TIGIT: variants seen among roughly 807,000 people sequenced by gnomAD.
The protein encoded by TIGIT is T-cell immunoreceptor with Ig and ITIM domains.
Under a neutral mutation model 19.6 loss-of-function variants are expected in TIGIT, and 11 were observed. That is an observed-to-expected ratio of 0.56 (90% CI 0.35 to 0.93). The LOEUF (loss-of-function observed/expected upper bound fraction) is 0.93, where lower values mean the gene tolerates loss of function less well. Ranked by LOEUF, TIGIT falls within the 40% of genes least tolerant of loss-of-function variation. TIGIT has a pLI of 0.01. For missense variants in TIGIT, 295 were observed against 303.9 expected (o/e 0.97, Z 0.22); for synonymous variants, 130 against 125.5 (o/e 1.04, Z -0.24).
At chr3:114,303,663 A>G (rs1337822517) in intron 3 of TIGIT, among the ~76,000 whole-genome samples, 1 of 149,168 alleles carries the variant, frequency 6.7e-6, no homozygotes, top group Non-Finnish European at 1.5e-5. Flanking sequence ...ACACAGACAC[A>G]TTACAATTTC....
At chr3:114,307,495 AGGT>A (rs2078543319) in intron 3 of TIGIT, 1 of 193,084 alleles carries the variant, frequency 5.2e-6, no homozygotes, top group Non-Finnish European at 1.1e-5. Flanking sequence ...CTGAAGACGA[AGGT>A]GGGGGTTCAA....
intron 3 of TIGIT, among the ~76,000 whole-genome samples, chr3:114,305,304 T>C (rs2107954744): frequency 6.6e-6 from 1 of 152,284 alleles, no homozygotes; most frequent in African/African-American, 2.4e-5. Context: ...AGGTGAATGA[T>C]CCCATTCCAC....
Position 114,295,837 on chromosome 3 carries a change from C to A in TIGIT, c.354C>A (p.Tyr118Ter). 1 of 1,608,916 alleles carries A rather than the reference C, an allele frequency of 6.2e-7. No individual in the cohort carries two copies. Among genetic ancestry groups the A allele is most frequent in the African/African-American group, 1.3e-5 (1 of 74,962 alleles). The stretch of plus-strand genomic sequence containing the variant: ...ATCACACCTACCCTGATGGGACGTA[C>A]ACTGGGAGAATCTTCCTGGAGGTCC... ...CIYHTYPDGT[Y>*]TGRIFLEVLE... is the part of the protein sequence containing the mutation. Residue 118 changes from tyrosine (Y) to a stop codon, truncating the protein, a stop_gained, in exon 2 of 4, where the codon TAC becomes TAA. Transcript: ENST00000383671. LOFTEE classifies it high-confidence loss of function.
intron 3 of TIGIT, among the ~76,000 whole-genome samples, chr3:114,302,596 A>G (rs1576140508): frequency 6.6e-6 from 1 of 152,052 alleles, no homozygotes. Context: ...AAGTGCTGCT[A>G]TCTGTTCTGT....
Position 114,299,669 on chromosome 3 carries a change from C to T in TIGIT, c.464C>T (p.Thr155Ile), listed in dbSNP as rs1218334207. 3 of 1,613,088 alleles carry T rather than the reference C, an allele frequency of 1.9e-6. No individual in the cohort carries two copies. The highest frequency in any genetic ancestry group is 2.2e-5 in the East Asian group (1 of 44,874). ...GCCGCGACGCTGGTGGTCATCTGCA[C>T]AGCAGTCATCGTGGTGGTCGCGTTG... is the stretch of plus-strand genomic sequence containing the variant. ...AMAATLVVIC[T>I]AVIVVVALTR... The change falls in exon 3 of 4, where the codon ACA becomes ATA. Residue 155 changes from threonine to isoleucine, a missense_variant. By Grantham distance (89) the Thr-to-Ile change is moderately conservative. Coordinates refer to ENST00000383671, the MANE Select transcript of TIGIT (RefSeq NM_173799.4).
intron 1 of TIGIT, 138 bp downstream of exon 1, chr3:114,294,260 C>A: frequency 3.1e-6 from 2 of 641,090 alleles, no homozygotes; most frequent in Non-Finnish European, 5.5e-6. Context: ...CTTTTAGAGT[C>A]CTGTGTACTC....
Position 114,299,607 on chromosome 3 carries a change from C to A in TIGIT, c.402C>A (p.His134Gln), listed in dbSNP as rs778828718. Residue 134 changes from histidine to glutamine, a missense_variant, in exon 3 of 4, where the codon CAC (histidine) becomes CAA (glutamine). By Grantham distance (24) the His-to-Gln change is conservative (BLOSUM62 0). Coordinates refer to ENST00000383671, the MANE Select transcript of TIGIT (RefSeq NM_173799.4). ...TTGTCCTCCCTCTAGTGGCTGAGCA[C>A]GGTGCCAGGTTCCAGATTCCATTGC... ...LEVLESSVAE[H>Q]GARFQIPLLG... 1 of 1,612,882 alleles carries A rather than the reference C, an allele frequency of 6.2e-7. No homozygotes were observed. The highest frequency in any genetic ancestry group is 8.5e-7 in the Non-Finnish European group (1 of 1,179,476).
intron 3 of TIGIT, among the ~76,000 whole-genome samples, chr3:114,306,655 G>A (rs990786734): frequency 1.3e-5 from 2 of 152,172 alleles, no homozygotes; most frequent in Non-Finnish European, 2.9e-5. Flanking sequence ...AAGGCACTTA[G>A]CATTTTTCCT....
intron 3 of TIGIT, among the ~76,000 whole-genome samples, chr3:114,301,251 A>C (rs1379309305): frequency 6.6e-6 from 1 of 152,180 alleles, no homozygotes; most frequent in East Asian, 1.9e-4. Context: ...TCCACCTGAG[A>C]TCCTAACCCA....
chr3:114,306,764 A>G (rs1404987994), intron 3 of TIGIT, among the ~76,000 whole-genome samples: 1 of 118,132 alleles, frequency 8.5e-6, no homozygotes, highest in Non-Finnish European at 1.8e-5. Context: ...CTTATGAGGA[A>G]TGTAGTGAAA....
chr3:114,297,942 T>A (rs767796291), intron 2 of TIGIT, among the ~76,000 whole-genome samples: 20 of 152,242 alleles, frequency 1.3e-4, no homozygotes, highest in Non-Finnish European at 2.5e-4. Context: ...CAGTTGCTTA[T>A]GTGGAATGCA....
intron 2 of TIGIT, among the ~76,000 whole-genome samples, chr3:114,298,773 A>T (rs2078471048): frequency 6.6e-6 from 1 of 152,176 alleles, no homozygotes; most frequent in Admixed American, 6.6e-5. Context: ...GAGGGATGAG[A>T]TGTGAGGCTT....
chr3:114,299,701 A>C lies in TIGIT; in HGVS notation c.496A>C (p.Lys166Gln). The C allele has an allele frequency of 6.2e-7, 1 of 1,606,590 alleles. No individual in the cohort carries two copies. Among genetic ancestry groups the C allele is most frequent in the Admixed American group, 1.7e-5 (1 of 60,010 alleles). ...AVIVVVALTR[K>Q]KKALRIHSVE... The stretch of plus-strand genomic sequence containing the variant: ...CATCGTGGTGGTCGCGTTGACTAGA[A>C]AGGTAATGGCTCCGGCTGCACACCG... Residue 166 changes from lysine to glutamine, a missense_variant and splice_region_variant, in exon 3 of 4, where the codon AAG becomes CAG. Transcript: ENST00000383671.
rs2078550805 is a variant in TIGIT, at chr3:114,308,511, G to C, written c.*380G>C. On this transcript the variant is annotated 3_prime_UTR_variant, in exon 4 of 4. Coordinates refer to ENST00000383671, the MANE Select transcript of TIGIT (RefSeq NM_173799.4). ...TGATGATGAGGATGGCATGACTGCA[G>C]AGCCATCCTCATCTCATTTTTTCAC... is the stretch of plus-strand genomic sequence containing the variant. 6.0e-6 allele frequency: 1 copy of C among 166,900 alleles called. No individual in the cohort carries two copies. The highest frequency in any genetic ancestry group is 2.4e-5 in the African/African-American group (1 of 41,712). The allele number at this position is 166,900 out of a possible 1,614,324, so 10.3% of individuals were successfully genotyped here.
intron 2 of TIGIT, among the ~76,000 whole-genome samples, chr3:114,298,250 A>C (rs1463287021): frequency 6.6e-6 from 1 of 152,206 alleles, no homozygotes; most frequent in Non-Finnish European, 1.5e-5. Flanking sequence ...CTGTGAATGG[A>C]GACATTGGTG....
At chr3:114,306,108 G>A (rs906551116) in intron 3 of TIGIT, among the ~76,000 whole-genome samples, 3 of 152,224 alleles carry the variant, frequency 2.0e-5, no homozygotes, top group Admixed American at 1.3e-4. Context: ...AGGAGCACTG[G>A]TTTAAGTCCT....
chr3:114,299,478 A>G (rs1033652758), intron 2 of TIGIT, 119 bp from the exon 3 acceptor site: 3 of 706,272 alleles, frequency 4.2e-6, no homozygotes, highest in South Asian at 1.6e-5. Context: ...CTCCAGTCCC[A>G]TGGTTACACA....
chr3:114,306,166 A>G (rs1383336746), intron 3 of TIGIT, among the ~76,000 whole-genome samples: 1 of 152,184 alleles, frequency 6.6e-6, no homozygotes, highest in Non-Finnish European at 1.5e-5. Context: ...CAAGGACAGG[A>G]TGAGAAGAGT....
chr3:114,304,609 T>C (rs757418725), intron 3 of TIGIT, among the ~76,000 whole-genome samples: 1 of 152,332 alleles, frequency 6.6e-6, no homozygotes, highest in East Asian at 1.9e-4. Context: ...TCCCTGCCAG[T>C]AGATGTTAGC....
Sources: gnomAD v4.1 joint callset for allele counts (sites outside exome capture counted in the v4.1 genomes callset) on GRCh38, gnomAD v4.1.1 for gene constraint, MANE v1.5 for transcripts, NCBI Gene and HGNC (gene_info 2026-07-23, HGNC 2026-07-21) for gene names.